Variants in ABI3BP observed in about 807,000 individuals in gnomAD.
The protein encoded by ABI3BP is ABI family member 3 binding protein.
ABI3BP carries 216 observed loss-of-function variants against 268.6 expected under a neutral mutation model. The ratio of observed to expected loss-of-function variants is 0.80; its 90% CI spans 0.72 to 0.90. The LOEUF (loss-of-function observed/expected upper bound fraction) is 0.90, where lower values mean the gene tolerates loss of function less well. ABI3BP is among the 40% of genes least tolerant of loss of function. ABI3BP has a pLI of 0.00. For missense variants in ABI3BP, 2,090 were observed against 2,182.4 expected, an observed-to-expected ratio of 0.96 and a Z score of 0.84; for synonymous variants, 730 against 730.0, an observed-to-expected ratio of 1.00 and a Z score of 0.00.
Position 100,818,582 on chromosome 3 carries a change from C to A in ABI3BP, c.3032-1G>T. 1 of 1,534,264 alleles carries A rather than the reference C, an allele frequency of 6.5e-7. No homozygotes were observed. Among genetic ancestry groups the A allele is most frequent in the East Asian group, 2.4e-5 (1 of 40,862 alleles). ...CCAGGTTCAAGATCTGTAGAAGGAA[C>A]TAATTAAAAGCAATGAAATAAACTT... is the stretch of plus-strand genomic sequence containing the variant. On this transcript the variant is annotated splice_acceptor_variant, in intron 40 of 67. Coordinates refer to ENST00000471714, the MANE Select transcript of ABI3BP (RefSeq NM_001375547.2). LOFTEE classifies it high-confidence loss of function.
At chr3:100,837,197 T>C (rs1560623481) in intron 26 of ABI3BP, 26 bp from the exon 27 acceptor site, 4 of 1,522,602 alleles carry the variant, frequency 2.6e-6, no homozygotes, top group Non-Finnish European at 2.6e-6. Flanking sequence ...TAAACAGATA[T>C]AAGTAATAAA....
chr3:100,871,567 A>G (rs534534201), intron 9 of ABI3BP, among the ~76,000 whole-genome samples: 1 of 152,214 alleles, frequency 6.6e-6, no homozygotes, highest in Non-Finnish European at 1.5e-5. Context: ...AATAAGACTC[A>G]TAAGATCTGA....
chr3:100,942,630 TG>T (rs1001177204), intron 1 of ABI3BP, among the ~76,000 whole-genome samples: 10 of 152,052 alleles, frequency 6.6e-5, no homozygotes, highest in Non-Finnish European at 1.5e-4. Flanking sequence ...AAGTAAGAAG[TG>T]GTAGTATTAA....
chr3:100,942,720 T>C (rs1243928755), intron 1 of ABI3BP, among the ~76,000 whole-genome samples: 7 of 152,102 alleles, frequency 4.6e-5, no homozygotes, highest in Non-Finnish European at 1.0e-4. Context: ...ATCAACATCA[T>C]CTGGGAACTT....
intron 1 of ABI3BP, among the ~76,000 whole-genome samples, chr3:100,970,622 G>A (rs1169162608): frequency 6.6e-6 from 1 of 152,174 alleles, no homozygotes; most frequent in Non-Finnish European, 1.5e-5. Flanking sequence ...TCTACTTGTG[G>A]GCCCTCAGGC....
intron 57 of ABI3BP, among the ~76,000 whole-genome samples, chr3:100,785,797 T>G (rs557198390): frequency 6.6e-6 from 1 of 152,344 alleles, no homozygotes; most frequent in Admixed American, 6.5e-5. Flanking sequence ...ATGCCCTTTA[T>G]CAGATTGAGG....
intron 51 of ABI3BP, among the ~76,000 whole-genome samples, chr3:100,800,213 C>CT (rs34125273): frequency 0.012 from 1,742 of 143,946 alleles, 31 homozygotes; most frequent in African/African-American, 0.034. Context: ...GGCTATTAAT[C>CT]TTTTTTTTTT....
intron 2 of ABI3BP, among the ~76,000 whole-genome samples, chr3:100,904,594 C>A (rs142182631): frequency 6.6e-6 from 1 of 152,130 alleles, no homozygotes; most frequent in Non-Finnish European, 1.5e-5. Context: ...TGTGAGAGAC[C>A]GTACTTTCCA....
intron 14 of ABI3BP, among the ~76,000 whole-genome samples, chr3:100,861,478 CA>C (rs1246754894): frequency 6.6e-6 from 1 of 151,980 alleles, no homozygotes; most frequent in Non-Finnish European, 1.5e-5. Context: ...AGAAGATTTA[CA>C]AAAATTAAAA....
chr3:100,866,731 G>T (rs556656470), intron 10 of ABI3BP, 148 bp downstream of exon 10: 1 of 624,828 alleles, frequency 1.6e-6, no homozygotes, highest in Non-Finnish European at 2.7e-6. Flanking sequence ...TTTCCCAAAC[G>T]TTAGAGACCT....
chr3:100,885,691 G>A (rs2041661991), intron 5 of ABI3BP, 103 bp from the exon 6 acceptor site: 1 of 630,900 alleles, frequency 1.6e-6, no homozygotes, highest in African/African-American at 1.9e-5. Flanking sequence ...CTCTAACTTG[G>A]ATGTATAATT....
At chr3:100,763,138 T>G (rs1292066465) in intron 63 of ABI3BP, among the ~76,000 whole-genome samples, 3 of 152,176 alleles carry the variant, frequency 2.0e-5, no homozygotes, top group Non-Finnish European at 2.9e-5. Flanking sequence ...GCCCTAAACT[T>G]GATTTAACAT....
Position 100,824,863 on chromosome 3 carries a change from T to A in ABI3BP, c.2741A>T (p.Lys914Ile). 1 of 1,535,618 alleles carries A rather than the reference T, an allele frequency of 6.5e-7. No individual in the cohort carries two copies. The highest frequency in any genetic ancestry group is 2.4e-5 in the East Asian group (1 of 40,884). The change falls in exon 36 of 68, where the codon AAA becomes ATA. Residue 914 changes from lysine to isoleucine, a missense_variant. Lys to Ile is a moderately radical substitution (Grantham distance 102, BLOSUM62 -3). Transcript: ENST00000471714. The stretch of plus-strand genomic sequence containing the variant: ...CCAAGGAATCACAGATTTACCAGGT[T>A]TGGTCTCAGGTGCCTGAGGGCTCGG... ...TTPSPQAPET[K>I]PVPATVLEPV...
At chr3:100,857,724 T>C (rs1010371609) in intron 14 of ABI3BP, among the ~76,000 whole-genome samples, 2 of 152,230 alleles carry the variant, frequency 1.3e-5, no homozygotes, top group African/African-American at 4.8e-5. Context: ...AAGAAATGAA[T>C]GAGCCTAATT....
chr3:100,831,230 A>G (rs965774782), intron 31 of ABI3BP, among the ~76,000 whole-genome samples: 3 of 152,170 alleles, frequency 2.0e-5, no homozygotes, highest in Middle Eastern at 3.4e-3. Flanking sequence ...GAATAGGTGC[A>G]TGTGCTGGGG....
intron 55 of ABI3BP, among the ~76,000 whole-genome samples, chr3:100,790,642 C>T (rs1446606154): frequency 6.6e-6 from 1 of 151,920 alleles, no homozygotes; most frequent in African/African-American, 2.4e-5. Flanking sequence ...TTATTTTGGG[C>T]CTTCCCAAGT....
In ABI3BP at chr3:100,834,981, A is replaced by T. The variant is rs75755152; in HGVS notation, c.2192-208T>A. 1.0e-3 allele frequency among the ~76,000 whole-genome samples: 155 copies of T among 152,272 alleles called. 5 individuals carry two copies. In the East Asian group the frequency reaches 0.029, roughly 28 times the overall value. On this transcript the variant is annotated intron_variant, in intron 28 of 67. Transcript: ENST00000471714. ...GAGACAGATGGAATATATGTAATTT[A>T]AAAAAATAAACTGCAACTTTATTAT...
chr3:100,772,099 C>G (rs576846286), intron 61 of ABI3BP, among the ~76,000 whole-genome samples: 6 of 152,286 alleles, frequency 3.9e-5, no homozygotes, highest in African/African-American at 1.4e-4. Context: ...GGCATTGAAA[C>G]AGCATCTTCA....
intron 63 of ABI3BP, among the ~76,000 whole-genome samples, chr3:100,757,087 GTT>G (rs1233450409): frequency 1.3e-5 from 2 of 151,964 alleles, no homozygotes; most frequent in African/African-American, 4.8e-5. Context: ...GGAAGATAAA[GTT>G]GAGGACATTT....
Sources: gnomAD v4.1 joint callset for allele counts (sites outside exome capture counted in the v4.1 genomes callset) on GRCh38, gnomAD v4.1.1 for gene constraint, MANE v1.5 for transcripts, NCBI Gene and HGNC (gene_info 2026-07-23, HGNC 2026-07-21) for gene names.